The following OXCT1 variants were observed in gnomAD, a reference collection of about 807,000 sequenced individuals.
OXCT1 encodes the protein succinyl-CoA:3-ketoacid coenzyme A transferase 1, mitochondrial.
A neutral mutation model predicts 69.6 loss-of-function variants in OXCT1; 27 were observed. The observed-to-expected ratio is 0.39, with a 90% CI of 0.29 to 0.54. OXCT1 has a LOEUF of 0.54. Ranked by LOEUF, OXCT1 falls within the 20% of genes least tolerant of loss-of-function variation. OXCT1 has a pLI of 0.72. For synonymous variants in OXCT1, 202 were observed against 217.8 expected (o/e 0.93, Z 0.64); for missense variants, 437 against 650.2 (o/e 0.67, Z 3.57).
chr5:41,770,571 G>A (rs77148413), intron 13 of OXCT1, among the ~76,000 whole-genome samples: 6,218 of 152,212 alleles, frequency 0.041, 277 homozygotes, highest in African/African-American at 0.093. Flanking sequence ...CTTAATACCT[G>A]TTAGGTGTTC....
chr5:41,747,390 C>A (rs1395028971), intron 15 of OXCT1, among the ~76,000 whole-genome samples: 1 of 152,096 alleles, frequency 6.6e-6, no homozygotes, highest in Non-Finnish European at 1.5e-5. Context: ...ACCATTCAAT[C>A]CAGTTTTTCA....
chr5:41,809,402 T>C (rs189589796), intron 7 of OXCT1, among the ~76,000 whole-genome samples: 11 of 152,100 alleles, frequency 7.2e-5, no homozygotes, highest in African/African-American at 2.6e-4. Context: ...AGAGGGCATG[T>C]TAAAAAGAAA....
intron 15 of OXCT1, among the ~76,000 whole-genome samples, chr5:41,745,513 C>A (rs1273879441): frequency 6.6e-5 from 10 of 152,080 alleles, no homozygotes; most frequent in African/African-American, 2.4e-4. Context: ...AGAGCAAACA[C>A]ATTCAAAAGC....
chr5:41,746,985 TG>T (rs1743524632), intron 15 of OXCT1, among the ~76,000 whole-genome samples: 1 of 152,162 alleles, frequency 6.6e-6, no homozygotes, highest in Non-Finnish European at 1.5e-5. Flanking sequence ...TGAGATTTTT[TG>T]CCTAGGTCTA....
At chr5:41,744,729 G>T (rs1182100023) in intron 15 of OXCT1, among the ~76,000 whole-genome samples, 1 of 152,098 alleles carries the variant, frequency 6.6e-6, no homozygotes, top group African/African-American at 2.4e-5. Flanking sequence ...TAATCATGCG[G>T]TTTTTGTCAT....
At chr5:41,761,589 A>C (rs1744348854) in intron 14 of OXCT1, among the ~76,000 whole-genome samples, 1 of 152,134 alleles carries the variant, frequency 6.6e-6, no homozygotes, top group South Asian at 2.1e-4. Flanking sequence ...TGATTTATCA[A>C]AATAAAAGTA....
intron 7 of OXCT1, among the ~76,000 whole-genome samples, chr5:41,817,190 A>C (rs1278286643): frequency 6.6e-6 from 1 of 152,184 alleles, no homozygotes; most frequent in Admixed American, 6.5e-5. Context: ...ATTTTAGTCC[A>C]TATGATTCTA....
chr5:41,842,613 A>G, intron 6 of OXCT1, 62 bp downstream of exon 6: 1 of 1,136,294 alleles, frequency 8.8e-7, no homozygotes, highest in South Asian at 1.2e-5. Context: ...TTCCAAATTC[A>G]CTCTGATGTC....
intron 7 of OXCT1, among the ~76,000 whole-genome samples, chr5:41,819,303 A>G (rs1486423376): frequency 1.4e-5 from 2 of 147,236 alleles, no homozygotes; most frequent in African/African-American, 5.0e-5. Flanking sequence ...ATCTTTCAGG[A>G]GGGAGTATCA....
At position 41,870,415 on chromosome 5, in the gene OXCT1, T is replaced by A; in HGVS notation, c.-57A>T. ...GTTGGAGCGCGCGTTTGAGCGTCGG[T>A]GCGCGACTGCGAAGGAAACCCGGGC... On this transcript the variant is annotated 5_prime_UTR_variant, in exon 1 of 17. Coordinates refer to ENST00000196371, the MANE Select transcript of OXCT1 (RefSeq NM_000436.4). The surrounding 1 kb of genome is among the most constrained non-coding windows in gnomAD (Gnocchi z 4.2). 1 of 1,340,908 alleles carries A rather than the reference T, an allele frequency of 7.5e-7. No individual in the cohort carries two copies. The highest frequency in any genetic ancestry group is 1.7e-5 in the Admixed American group (1 of 58,046). The allele number at this position is 1,340,908 out of a possible 1,614,324, so 83.1% of individuals were successfully genotyped here. A position where few individuals can be genotyped will look rare whatever the true frequency, so the allele number is the denominator to read the frequency against.
chr5:41,746,509 T>G (rs989448315), intron 15 of OXCT1, among the ~76,000 whole-genome samples: 2 of 152,118 alleles, frequency 1.3e-5, no homozygotes, highest in Non-Finnish European at 2.9e-5. Context: ...GAGCACCTAC[T>G]ATGCACAGAG....
intron 14 of OXCT1, among the ~76,000 whole-genome samples, chr5:41,756,873 C>G (rs188413518): frequency 1.6e-4 from 25 of 152,092 alleles, no homozygotes; most frequent in African/African-American, 5.3e-4. Flanking sequence ...GCAAAGGTCC[C>G]AAGGCAAGAT....
At chr5:41,733,354 C>A (rs1022598216) in intron 16 of OXCT1, among the ~76,000 whole-genome samples, 2 of 150,520 alleles carry the variant, frequency 1.3e-5, no homozygotes, top group African/African-American at 4.9e-5. Flanking sequence ...TCAAGCGATT[C>A]TCCTGCCTTA....
intron 13 of OXCT1, among the ~76,000 whole-genome samples, chr5:41,768,385 T>C (rs1361388705): frequency 6.6e-6 from 1 of 152,218 alleles, no homozygotes; most frequent in Non-Finnish European, 1.5e-5. Flanking sequence ...AGAAGAGAGC[T>C]GCCTGACAAT....
chr5:41,850,303 C>T, intron 4 of OXCT1, 124 bp from the exon 5 acceptor site: 2 of 1,010,200 alleles, frequency 2.0e-6, no homozygotes, highest in South Asian at 2.7e-5. Context: ...TAGCATTGTA[C>T]ATTAGCATAC....
chr5:41,835,712 T>C (rs1439380734), intron 7 of OXCT1, among the ~76,000 whole-genome samples: 1 of 152,166 alleles, frequency 6.6e-6, no homozygotes, highest in Non-Finnish European at 1.5e-5. Context: ...GGGCCTTGGG[T>C]AAACCTTTGC....
intron 1 of OXCT1, among the ~76,000 whole-genome samples, chr5:41,866,238 A>G (rs1479068563): frequency 6.6e-6 from 1 of 151,954 alleles, no homozygotes; most frequent in African/African-American, 2.4e-5. Context: ...TAACCACCTC[A>G]CTCTACCCTA....
intron 15 of OXCT1, among the ~76,000 whole-genome samples, chr5:41,740,275 A>C (rs1303485322): frequency 6.6e-6 from 1 of 152,234 alleles, no homozygotes; most frequent in African/African-American, 2.4e-5. Context: ...GGTGCTCTGA[A>C]GTGTCTAGGA....
intron 16 of OXCT1, among the ~76,000 whole-genome samples, chr5:41,733,800 C>T (rs1374726342): frequency 6.6e-6 from 1 of 152,178 alleles, no homozygotes; most frequent in Non-Finnish European, 1.5e-5. Context: ...ACCACCATTT[C>T]TCATTCTGTT....
Sources: allele counts gnomAD v4.1 joint callset (sites outside exome capture counted in the v4.1 genomes callset), GRCh38; gene constraint gnomAD v4.1.1; non-coding constraint Gnocchi (gnomAD v3.1); transcripts MANE v1.5; gene names NCBI Gene and HGNC (gene_info 2026-07-23, HGNC 2026-07-21).